Variants in SMCO2 observed in about 807,000 individuals in gnomAD.
SMCO2 encodes the protein single-pass membrane and coiled-coil domain-containing protein 2.
Under a neutral mutation model 29.5 loss-of-function variants are expected in SMCO2, and 25 were observed. That is an observed-to-expected ratio of 0.85 (90% CI 0.62 to 1.18). SMCO2 has a LOEUF of 1.18. SMCO2 is among the 50% of genes most tolerant of loss of function. The pLI is 0.00. For missense variants in SMCO2, 348 were observed against 344.5 expected (o/e 1.01, Z -0.08); for synonymous variants, 117 against 123.3 (o/e 0.95, Z 0.34).
At chr12:27,460,118 C>T in the SMCO2 span, among the ~76,000 whole-genome samples, 8 of 152,244 alleles carry the variant, frequency 5.3e-5, no homozygotes, top group South Asian at 1.2e-3. Context: ...TTCCCAGCTG[C>T]GTGACTTTTC....
At chr12:27,425,638 C>T in the SMCO2 span, among the ~76,000 whole-genome samples, 1 of 152,264 alleles carries the variant, frequency 6.6e-6, no homozygotes, top group Middle Eastern at 3.4e-3. Context: ...AAGTTCCAAG[C>T]GTATATTGTT....
In SMCO2 at chr12:27,474,781, A is replaced by C; in HGVS notation, c.235-5A>C. The C allele has an allele frequency of 6.4e-7, 1 of 1,551,462 alleles. No individual in the cohort carries two copies. Among genetic ancestry groups the C allele is most frequent in the South Asian group, 1.2e-5 (1 of 84,032 alleles). ...CTGCTTTGCTTCCATCATCATCTTTACCAGGGTATGTTGGAGCTAGAGGCT... is the reference window on the plus strand; with the variant it reads ...CTGCTTTGCTTCCATCATCATCTTTCCCAGGGTATGTTGGAGCTAGAGGCT... On this transcript the variant is annotated splice_polypyrimidine_tract_variant and splice_region_variant and intron_variant, in intron 3 of 7. Transcript: ENST00000298876.
chr12:27,480,658 G>A lies in SMCO2; in HGVS notation c.362+5745G>A, dbSNP rs140605856. Among the ~76,000 whole-genome samples the A allele has an allele frequency of 1.4e-4, 21 of 152,102 alleles. 1 individual carries two copies. Among genetic ancestry groups the A allele is most frequent in the South Asian group, 6.2e-4 (3 of 4,818 alleles). ...AGGATAATGAGTGCGTTCTTGATCC[G>A]AGTTGACATGAGATCTGGTTGTTTA... On this transcript the variant is annotated intron_variant, in intron 4 of 7. Coordinates refer to ENST00000298876, the Ensembl canonical transcript of SMCO2.
the SMCO2 span, among the ~76,000 whole-genome samples, chr12:27,458,445 C>G: frequency 0.063 from 9,512 of 152,158 alleles, 881 homozygotes; most frequent in African/African-American, 0.2. Flanking sequence ...TTGAATAAGT[C>G]AACTTATAAA....
At chr12:27,445,957 G>T in the SMCO2 span, among the ~76,000 whole-genome samples, 9 of 151,478 alleles carry the variant, frequency 5.9e-5, no homozygotes, top group Non-Finnish European at 1.3e-4. Context: ...AGTCTGGAGT[G>T]CAATGGCGTG....
the SMCO2 span, among the ~76,000 whole-genome samples, chr12:27,459,655 T>A: frequency 6.6e-6 from 1 of 152,232 alleles, no homozygotes; most frequent in Non-Finnish European, 1.5e-5. Flanking sequence ...TATTCATGAT[T>A]TGGACAGGGA....
chr12:27,500,308 T>C (rs2135584168), intron 7 of SMCO2, among the ~76,000 whole-genome samples: 1 of 150,310 alleles, frequency 6.7e-6, no homozygotes, highest in East Asian at 1.9e-4. Context: ...ACCAAGAGTA[T>C]TTACCGTAGG....
At chr12:27,498,041 T>A (rs988406724) in intron 7 of SMCO2, 1 of 281,386 alleles carries the variant, frequency 3.6e-6, no homozygotes. Context: ...CATGGACAAA[T>A]TGAAGGAAAA....
chr12:27,501,793 A>C, intron 7 of SMCO2, 130 bp from the exon 9 acceptor site: 1 of 658,778 alleles, frequency 1.5e-6, no homozygotes, highest in Non-Finnish European at 2.4e-6. Context: ...CTGCTTTTAC[A>C]AATGTAAACT....
the SMCO2 span, among the ~76,000 whole-genome samples, chr12:27,458,470 G>GT: frequency 1.3e-5 from 2 of 152,132 alleles, no homozygotes; most frequent in South Asian, 2.1e-4. Context: ...GTAAATAAAG[G>GT]TTTTTTAAAA....
upstream of SMCO2, among the ~76,000 whole-genome samples, chr12:27,464,977 C>T (rs750187977): frequency 7.5e-5 from 10 of 133,722 alleles, no homozygotes; most frequent in East Asian, 2.2e-4. Context: ...TGCAGTGAGC[C>T]GAGATCGTAC....
the SMCO2 span, among the ~76,000 whole-genome samples, chr12:27,441,856 T>G: frequency 1.4e-4 from 21 of 152,156 alleles, no homozygotes; most frequent in African/African-American, 5.1e-4. Flanking sequence ...AGAAATCATG[T>G]CAAGTATCTT....
chr12:27,460,324 C>T, the SMCO2 span, among the ~76,000 whole-genome samples: 2 of 152,160 alleles, frequency 1.3e-5, no homozygotes, highest in Admixed American at 6.5e-5. Context: ...GTATAACTTT[C>T]GACTCCCCAA....
chr12:27,480,657 C>T (rs1002608970), intron 4 of SMCO2, among the ~76,000 whole-genome samples: 2 of 151,920 alleles, frequency 1.3e-5, no homozygotes, highest in African/African-American at 2.4e-5. Context: ...GTTCTTGATC[C>T]GAGTTGACAT....
At chr12:27,436,517 GA>G in the SMCO2 span, among the ~76,000 whole-genome samples, 2 of 152,114 alleles carry the variant, frequency 1.3e-5, no homozygotes, top group Non-Finnish European at 2.9e-5. Context: ...CAGAAGAGGA[GA>G]GGGGTAGAAA....
At chr12:27,498,136 T>C in intron 7 of SMCO2, 1 of 361,500 alleles carries the variant, frequency 2.8e-6, no homozygotes, top group East Asian at 7.0e-5. Flanking sequence ...AAACTGAACT[T>C]TCCCATAACC....
the SMCO2 span, among the ~76,000 whole-genome samples, chr12:27,435,420 T>G: frequency 5.3e-5 from 8 of 150,758 alleles, no homozygotes; most frequent in African/African-American, 2.0e-4. Flanking sequence ...AAAGAGGTAG[T>G]TTTCCTTTCT....
chr12:27,501,143 G>A (rs12815342), intron 7 of SMCO2, among the ~76,000 whole-genome samples: 70 of 150,490 alleles, frequency 4.7e-4, no homozygotes, highest in Non-Finnish European at 6.9e-4. Context: ...TTGGCCGGGC[G>A]CGGTGGCTCA....
intron 4 of SMCO2, among the ~76,000 whole-genome samples, chr12:27,484,869 A>ATATAT (rs1194698884): frequency 3.9e-5 from 4 of 103,816 alleles, no homozygotes; most frequent in African/African-American, 1.8e-4. Flanking sequence ...AAAAAAAAAA[A>ATATAT]AAATATATAT....
Sources: allele counts gnomAD v4.1 joint callset (sites outside exome capture counted in the v4.1 genomes callset), GRCh38; gene constraint gnomAD v4.1.1; transcripts MANE v1.5; gene names NCBI Gene and HGNC (gene_info 2026-07-23, HGNC 2026-07-21).